NHSL1: variants seen among roughly 807,000 people sequenced by gnomAD.
The protein encoded by NHSL1 is NHS-like protein 1.
NHSL1 carries 48 observed loss-of-function variants against 95.0 expected under a neutral mutation model. The ratio of observed to expected loss-of-function variants is 0.51; its 90% CI spans 0.40 to 0.64. The LOEUF is 0.64. NHSL1 is among the 30% of genes least tolerant of loss of function. NHSL1 has a pLI of 0.00. For synonymous variants in NHSL1, 783 were observed against 833.9 expected (o/e 0.94, Z 1.05); for missense variants, 1,971 against 2,077.7 (o/e 0.95, Z 1.00).
At chr6:138,489,515 C>G (rs1308895214) in intron 2 of NHSL1, among the ~76,000 whole-genome samples, 1 of 151,960 alleles carries the variant, frequency 6.6e-6, no homozygotes, top group Non-Finnish European at 1.5e-5. Context: ...GCCTGTAATG[C>G]CAGCACTTTG....
intron 1 of NHSL1, among the ~76,000 whole-genome samples, chr6:138,591,900 T>C (rs777560042): frequency 6.6e-6 from 1 of 152,182 alleles, no homozygotes; most frequent in Non-Finnish European, 1.5e-5. Context: ...GGTTATCAGA[T>C]TGGAAAAACA....
chr6:138,577,795 T>C (rs780297528), intron 1 of NHSL1, among the ~76,000 whole-genome samples: 1 of 152,094 alleles, frequency 6.6e-6, no homozygotes, highest in South Asian at 2.1e-4. Flanking sequence ...ACACGAATAA[T>C]GAAAGCTTAT....
intron 1 of NHSL1, among the ~76,000 whole-genome samples, chr6:138,617,063 G>T (rs1189695249): frequency 6.6e-6 from 1 of 152,132 alleles, no homozygotes; most frequent in East Asian, 1.9e-4. Context: ...TAAATTATAT[G>T]GTTCACATAA....
intron 1 of NHSL1, among the ~76,000 whole-genome samples, chr6:138,557,800 G>A (rs952471194): frequency 1.3e-5 from 2 of 152,170 alleles, no homozygotes; most frequent in African/African-American, 4.8e-5. Context: ...TGCAGGAACT[G>A]CTTGCTCACA....
chr6:138,646,465 C>A (rs919991054), intron 1 of NHSL1, among the ~76,000 whole-genome samples: 1 of 151,968 alleles, frequency 6.6e-6, no homozygotes, highest in Admixed American at 6.6e-5. Flanking sequence ...CCACAGCACT[C>A]CTGCCTGAGC....
intron 1 of NHSL1, among the ~76,000 whole-genome samples, chr6:138,681,677 G>A (rs556706420): frequency 1.4e-4 from 21 of 151,988 alleles, no homozygotes; most frequent in Non-Finnish European, 2.6e-4. Context: ...AGGTATAATT[G>A]GATTATGCAT....
In NHSL1 at chr6:138,512,403, T is replaced by C. The variant is rs943859727; in HGVS notation, c.17-16032A>G. ...TCCGGCACGATGTCCCATGTTAAAATAGGATAAAATTCACTTCTTTGCTCA... is the reference window on the plus strand; with the variant it reads ...TCCGGCACGATGTCCCATGTTAAAACAGGATAAAATTCACTTCTTTGCTCA... On this transcript the variant is annotated intron_variant, in intron 1 of 4. Transcript: ENST00000342260. The C allele has an allele frequency of 3.5e-4, 153 of 437,240 alleles. 1 individual carries two copies. The highest frequency in any genetic ancestry group is 2.2e-3 in the South Asian group (135 of 60,514). The allele number at this position is 437,240 out of a possible 1,614,324, so 27.1% of individuals were successfully genotyped here.
intron 7 of NHSL1, among the ~76,000 whole-genome samples, chr6:138,426,420 G>A (rs562409875): frequency 2.0e-5 from 3 of 152,154 alleles, no homozygotes; most frequent in African/African-American, 7.2e-5. Context: ...CACTGCTAAA[G>A]CTTCCTTGTT....
chr6:138,666,149 C>T (rs143757463), intron 1 of NHSL1, among the ~76,000 whole-genome samples: 2,605 of 152,122 alleles, frequency 0.017, 66 homozygotes, highest in African/African-American at 0.059. Context: ...ATTAAAAATA[C>T]AAAATTAGCC....
rs535689796 is a variant in NHSL1 at position 138,445,246 on chromosome 6, T to C, written c.532+1755A>G. Among the ~76,000 whole-genome samples, 319 of 152,340 alleles carry C rather than the reference T, an allele frequency of 2.1e-3. 3 individuals are homozygous for C. Among genetic ancestry groups the C allele is most frequent in the African/African-American group, 7.5e-3 (313 of 41,592 alleles). ...ATTTCATTGCACAATCTTCTTATCT[T>C]ATAATATTATTTCATAGGCACTTAA... is the stretch of plus-strand genomic sequence containing the variant. On this transcript the variant is annotated intron_variant, in intron 4 of 7. Transcript: ENST00000343505.
At chr6:138,492,242 G>T (rs1248955997) in intron 2 of NHSL1, among the ~76,000 whole-genome samples, 2 of 152,168 alleles carry the variant, frequency 1.3e-5, no homozygotes, top group East Asian at 3.9e-4. Context: ...GGGAGTGGGG[G>T]AGTGAGGGGA....
Position 138,455,316 on chromosome 6 carries a change from GA to G in NHSL1, c.340-8124del, listed in dbSNP as rs563596442. Among the ~76,000 whole-genome samples, 16 of 150,900 alleles carry G rather than the reference GA, an allele frequency of 1.1e-4. No individual in the cohort carries two copies. The South Asian group carries it at 2.3e-3, about 22-fold the overall frequency. On this transcript the variant is annotated intron_variant, in intron 3 of 7. Transcript: ENST00000343505. ...GTAGCACTTAAAAACTTTTTTGGGGGAAAAAAAAATTGAGTGAAGCATACCA... is the reference window on the plus strand; with the variant it reads ...GTAGCACTTAAAAACTTTTTTGGGGGAAAAAAAATTGAGTGAAGCATACCA...
chr6:138,616,691 C>G (rs866417238), intron 1 of NHSL1, among the ~76,000 whole-genome samples: 9 of 152,140 alleles, frequency 5.9e-5, no homozygotes, highest in African/African-American at 2.2e-4. Flanking sequence ...CTGACAACAC[C>G]TGAACCCAAG....
In NHSL1 at chr6:138,564,814, T is replaced by C. The variant is rs1783546582; in HGVS notation, c.202+6896A>G. Among the ~76,000 whole-genome samples, 3 of 152,322 alleles carry C rather than the reference T, an allele frequency of 2.0e-5. No individual in the cohort carries two copies. The South Asian group carries it at 6.2e-4, about 32-fold the overall frequency. ...ACATAGAGACAAGAGCCATCAGCTC[T>C]GCCTGAGGATGTTAGAGAAGACTTC... On this transcript the variant is annotated intron_variant, in intron 1 of 6. Coordinates refer to the NHSL1 transcript ENST00000427025.
chr6:138,436,872 A>T (rs547434147), intron 5 of NHSL1, among the ~76,000 whole-genome samples: 2 of 152,370 alleles, frequency 1.3e-5, no homozygotes, highest in Non-Finnish European at 2.9e-5. Flanking sequence ...AAATGGAACA[A>T]CAAAGCCTGG....
intron 1 of NHSL1, among the ~76,000 whole-genome samples, chr6:138,607,946 C>A (rs1054290975): frequency 1.3e-5 from 2 of 152,214 alleles, no homozygotes; most frequent in African/African-American, 4.8e-5. Flanking sequence ...CTACGAGACA[C>A]TGTGGCATTC....
chr6:138,689,799 G>A (rs1309232841), intron 1 of NHSL1, among the ~76,000 whole-genome samples: 9 of 137,116 alleles, frequency 6.6e-5, no homozygotes, highest in Non-Finnish European at 1.4e-4. Flanking sequence ...TTTTTTTTTT[G>A]AGACAGTCTC....
At chr6:138,442,251 G>C in intron 4 of NHSL1, 137 bp from the exon 5 acceptor site, 1 of 887,656 alleles carries the variant, frequency 1.1e-6, no homozygotes, top group Non-Finnish European at 1.6e-6. Flanking sequence ...GATGAATGCT[G>C]AAGGGCAAAA....
chr6:138,500,307 T>C (rs1026720848), upstream of NHSL1, among the ~76,000 whole-genome samples: 1 of 152,130 alleles, frequency 6.6e-6, no homozygotes, highest in African/African-American at 2.4e-5. Flanking sequence ...CTTTTGCCCA[T>C]TGGCAATTAA....
Sources: allele counts gnomAD v4.1 joint callset (sites outside exome capture counted in the v4.1 genomes callset), GRCh38; gene constraint gnomAD v4.1.1; transcripts MANE v1.5; gene names NCBI Gene and HGNC (gene_info 2026-07-23, HGNC 2026-07-21).